The following NOL4 variants were observed in gnomAD, a reference collection of about 807,000 sequenced individuals.
NOL4 encodes cancer/testis antigen 125.
In NOL4, 17 loss-of-function variants were observed where a neutral mutation model predicts 75.9. The observed-to-expected ratio is 0.22, with a 90% confidence interval of 0.15 to 0.34. The LOEUF is 0.34. Ranked by LOEUF, NOL4 falls within the 10% of genes least tolerant of loss-of-function variation. The pLI is 1.00. For missense variants in NOL4, 614 were observed against 793.5 expected (o/e 0.77, Z 2.72); for synonymous variants, 292 against 289.9 (o/e 1.01, Z -0.07).
At chr18:33,933,144 A>C (rs1019899886) in intron 9 of NOL4, among the ~76,000 whole-genome samples, 1 of 152,142 alleles carries the variant, frequency 6.6e-6, no homozygotes, top group Admixed American at 6.5e-5. Context: ...TTTCTACTGC[A>C]TATAAAATTT....
intron 1 of NOL4, among the ~76,000 whole-genome samples, chr18:34,173,525 T>C (rs907041119): frequency 1.3e-5 from 2 of 152,168 alleles, no homozygotes; most frequent in Non-Finnish European, 2.9e-5. Context: ...ATATATAAAA[T>C]GTTTATTTGT....
intron 9 of NOL4, among the ~76,000 whole-genome samples, chr18:33,883,787 G>A (rs969461835): frequency 3.3e-5 from 5 of 152,074 alleles, no homozygotes; most frequent in Admixed American, 1.3e-4. Flanking sequence ...GCTTCAAAAT[G>A]AAAGAAACCC....
intron 9 of NOL4, among the ~76,000 whole-genome samples, chr18:33,938,971 G>T (rs534924824): frequency 2.6e-5 from 4 of 152,078 alleles, no homozygotes; most frequent in South Asian, 2.1e-4. Context: ...TAAGGAAAAG[G>T]TCCAGTTTCA....
intron 5 of NOL4, among the ~76,000 whole-genome samples, chr18:34,023,808 C>T (rs1470394078): frequency 6.6e-6 from 1 of 152,014 alleles, no homozygotes; most frequent in African/African-American, 2.4e-5. Flanking sequence ...TCTGCGAGCA[C>T]AGATGAGACT....
intron 9 of NOL4, among the ~76,000 whole-genome samples, chr18:33,892,572 G>T (rs894667640): frequency 5.9e-5 from 9 of 152,030 alleles, no homozygotes; most frequent in African/African-American, 2.2e-4. Context: ...ATGCTACAAG[G>T]CTTCACATCA....
At chr18:34,169,386 A>C (rs1400241375) in intron 1 of NOL4, among the ~76,000 whole-genome samples, 1 of 151,844 alleles carries the variant, frequency 6.6e-6, no homozygotes, top group Non-Finnish European at 1.5e-5. Flanking sequence ...TAAACCCTAA[A>C]GTAACCATTG....
intron 5 of NOL4, among the ~76,000 whole-genome samples, chr18:34,024,194 A>AATATATATATATATATATAT (rs1555696185): frequency 4.2e-5 from 3 of 70,684 alleles, no homozygotes; most frequent in African/African-American, 1.6e-4. Flanking sequence ...AAAAAAAAAA[A>AATATATATATATATATATAT]ATATATATAT....
At chr18:33,890,559 T>C (rs184326282) in intron 9 of NOL4, among the ~76,000 whole-genome samples, 1 of 151,992 alleles carries the variant, frequency 6.6e-6, no homozygotes, top group African/African-American at 2.4e-5. Flanking sequence ...GGGTGAGTTT[T>C]ATACTGTGGT....
In NOL4 at chr18:34,129,817, A is replaced by C. The variant is rs546714945; in HGVS notation, c.414+54T>G. The C allele has an allele frequency of 3.4e-6, 5 of 1,466,696 alleles. No homozygotes were observed. The East Asian group carries it at 1.2e-4, about 35-fold the overall frequency. The allele number at this position is 1,466,696 out of a possible 1,614,324, so 90.9% of individuals were successfully genotyped here. A position where few individuals can be genotyped will look rare whatever the true frequency, so the allele number is the denominator to read the frequency against. On this transcript the variant is annotated intron_variant, in intron 2 of 10. Transcript: ENST00000261592. ...TTATCGAACCCATTTAAACAAGGAT[A>C]CATAATATCAAGTCTCGAAATGCAT...
chr18:33,864,672 T>C (rs1415199982), intron 10 of NOL4, among the ~76,000 whole-genome samples: 2 of 152,168 alleles, frequency 1.3e-5, no homozygotes, highest in Non-Finnish European at 2.9e-5. Context: ...TCAGGTTATC[T>C]TTATAGCAGT....
At chr18:33,965,147 G>A (rs1374530607) in intron 6 of NOL4, among the ~76,000 whole-genome samples, 1 of 152,124 alleles carries the variant, frequency 6.6e-6, no homozygotes, top group Non-Finnish European at 1.5e-5. Context: ...TACAAGTTAA[G>A]ATATGGAGAT....
At chr18:34,108,410 AT>A (rs972148939) in intron 2 of NOL4, among the ~76,000 whole-genome samples, 56 of 151,348 alleles carry the variant, frequency 3.7e-4, no homozygotes, top group African/African-American at 1.3e-3. Flanking sequence ...GGCTAAATGA[AT>A]TTAAAAAAAA....
chr18:33,912,331 C>A (rs1355750781), intron 9 of NOL4, among the ~76,000 whole-genome samples: 1 of 151,878 alleles, frequency 6.6e-6, no homozygotes, highest in Non-Finnish European at 1.5e-5. Flanking sequence ...TTCAATTTTC[C>A]ATATCAAAAG....
intron 6 of NOL4, among the ~76,000 whole-genome samples, chr18:34,016,723 C>T (rs1283361432): frequency 1.3e-5 from 2 of 152,088 alleles, no homozygotes; most frequent in African/African-American, 4.8e-5. Flanking sequence ...ATTTCACCCT[C>T]CTGACCATAT....
At chr18:34,132,018 A>G (rs2080674876) in intron 1 of NOL4, among the ~76,000 whole-genome samples, 1 of 152,204 alleles carries the variant, frequency 6.6e-6, no homozygotes, top group Non-Finnish European at 1.5e-5. Context: ...GAAGTCCAAA[A>G]TCAAAATGTC....
intron 6 of NOL4, among the ~76,000 whole-genome samples, chr18:33,971,174 T>C (rs1023641748): frequency 2.0e-5 from 3 of 152,240 alleles, no homozygotes; most frequent in Admixed American, 1.3e-4. Context: ...TCCATTTCCC[T>C]TATACTTTCA....
At chr18:34,102,178 G>T (rs1044519682) in intron 4 of NOL4, among the ~76,000 whole-genome samples, 3 of 151,752 alleles carry the variant, frequency 2.0e-5, no homozygotes, top group African/African-American at 7.3e-5. Context: ...TCTCTTAATA[G>T]CCTTTAGCAT....
At chr18:34,042,992 T>C (rs1290197617) in intron 5 of NOL4, among the ~76,000 whole-genome samples, 1 of 152,072 alleles carries the variant, frequency 6.6e-6, no homozygotes, top group Non-Finnish European at 1.5e-5. Context: ...TTAGTTTCCT[T>C]ATAAGGAGAA....
chr18:34,001,432 C>G (rs966728956), intron 6 of NOL4, among the ~76,000 whole-genome samples: 1 of 152,140 alleles, frequency 6.6e-6, no homozygotes, highest in Non-Finnish European at 1.5e-5. Context: ...TACCTTTCAG[C>G]TAGTCTGATT....
Sources: gnomAD v4.1 joint callset for allele counts (sites outside exome capture counted in the v4.1 genomes callset) on GRCh38, gnomAD v4.1.1 for gene constraint, MANE v1.5 for transcripts, NCBI Gene and HGNC (gene_info 2026-07-23, HGNC 2026-07-21) for gene names.